The following SH3PXD2A variants were observed in gnomAD, a reference collection of about 807,000 sequenced individuals.
The protein encoded by SH3PXD2A is SH3 and PX domain-containing protein 2A.
In SH3PXD2A, 32 loss-of-function variants were observed where a neutral mutation model predicts 115.2. The observed-to-expected ratio is 0.28, with a 90% CI of 0.21 to 0.37. The LOEUF (loss-of-function observed/expected upper bound fraction) is 0.37. Ranked by LOEUF, SH3PXD2A falls within the 10% of genes least tolerant of loss-of-function variation. The pLI, the probability that SH3PXD2A is intolerant of heterozygous loss-of-function variation, is 1.00. For missense variants in SH3PXD2A, 1,328 were observed against 1,498.7 expected (o/e 0.89, Z 1.88); for synonymous variants, 610 against 629.1 (o/e 0.97, Z 0.45).
chr10:103,712,713 C>A (rs770272590), intron 5 of SH3PXD2A, among the ~76,000 whole-genome samples: 1 of 152,240 alleles, frequency 6.6e-6, no homozygotes, highest in Non-Finnish European at 1.5e-5. Context: ...ACCTTCAGCC[C>A]CCGTGGTGAC....
At chr10:103,720,165 A>C (rs997620151) in intron 5 of SH3PXD2A, among the ~76,000 whole-genome samples, 19 of 152,228 alleles carry the variant, frequency 1.2e-4, no homozygotes, top group Non-Finnish European at 2.6e-4. Flanking sequence ...CTGCCATGGC[A>C]GAAGGGGCAA....
At chr10:103,688,533 A>C (rs1454285278) in intron 6 of SH3PXD2A, among the ~76,000 whole-genome samples, 1 of 152,246 alleles carries the variant, frequency 6.6e-6, no homozygotes, top group Admixed American at 6.5e-5. Flanking sequence ...AGAAGGTGAC[A>C]GTTTTAAGCA....
At chr10:103,668,525 C>A in intron 7 of SH3PXD2A, 83 bp downstream of exon 7, 1 of 1,205,904 alleles carries the variant, frequency 8.3e-7, no homozygotes. Flanking sequence ...GGGAAGCATG[C>A]GCAGGGCCTG....
intron 3 of SH3PXD2A, among the ~76,000 whole-genome samples, chr10:103,737,801 G>A (rs960066844): frequency 1.4e-4 from 22 of 152,178 alleles, no homozygotes; most frequent in Admixed American, 1.1e-3. Context: ...AACAGACAGG[G>A]GACCCAGGGG....
At chr10:103,729,915 G>A (rs1397504241) in intron 4 of SH3PXD2A, among the ~76,000 whole-genome samples, 2 of 152,206 alleles carry the variant, frequency 1.3e-5, no homozygotes, top group Non-Finnish European at 2.9e-5. Flanking sequence ...AGCACTGAGT[G>A]TCATCATGGC....
At chr10:103,849,152 C>T (rs1350816569) in intron 1 of SH3PXD2A, among the ~76,000 whole-genome samples, 2 of 151,836 alleles carry the variant, frequency 1.3e-5, no homozygotes, top group Non-Finnish European at 2.9e-5. Flanking sequence ...TGCCTGGACT[C>T]ACTGGTTATT....
chr10:103,632,434 C>T (rs968719531), intron 8 of SH3PXD2A, among the ~76,000 whole-genome samples: 1 of 152,210 alleles, frequency 6.6e-6, no homozygotes, highest in African/African-American at 2.4e-5. Flanking sequence ...GTCTGAGCTG[C>T]TGGCACCTGG....
chr10:103,605,721 A>C, intron 14 of SH3PXD2A, 77 bp downstream of exon 14: 3 of 1,570,804 alleles, frequency 1.9e-6, no homozygotes, highest in Non-Finnish European at 1.7e-6. Context: ...TCTTACTAGC[A>C]AGGCCTAAAA....
rs911302236 is a variant in SH3PXD2A, at chr10:103,627,675, C to T, written c.605-473G>A. Among the ~76,000 whole-genome samples, 98 of 152,226 alleles carry T rather than the reference C, an allele frequency of 6.4e-4. No individual in the cohort carries two copies. Among genetic ancestry groups the T allele is most frequent in the African/African-American group, 1.8e-3 (75 of 41,458 alleles). On this transcript the variant is annotated intron_variant, in intron 8 of 14. Transcript: ENST00000369774. The surrounding 1 kb of genome is among the most constrained non-coding windows in gnomAD (Gnocchi z 4.4). ...TTGCCTTTTCCCCATCGCGGGTCAG[C>T]GGTACCTTCGCATTGGTGCCACTCA...
intron 3 of SH3PXD2A, chr10:103,755,025 T>C (rs1235310083): frequency 2.0e-5 from 3 of 152,220 alleles, no homozygotes; most frequent in Non-Finnish European, 4.4e-5. Context: ...GACGGTGACT[T>C]ACAGATCTTG....
intron 3 of SH3PXD2A, among the ~76,000 whole-genome samples, chr10:103,742,103 C>T (rs959286954): frequency 1.3e-5 from 2 of 152,000 alleles, no homozygotes; most frequent in South Asian, 2.1e-4. Flanking sequence ...GAGTCATGAT[C>T]GTGCCACTGT....
chr10:103,659,430 C>G (rs2037259290), intron 8 of SH3PXD2A, among the ~76,000 whole-genome samples: 1 of 152,344 alleles, frequency 6.6e-6, no homozygotes, highest in African/African-American at 2.4e-5. Flanking sequence ...AAACATCTCC[C>G]TCGCCTGAGG....
chr10:103,828,937 C>T (rs927035984), intron 1 of SH3PXD2A, among the ~76,000 whole-genome samples: 5 of 152,172 alleles, frequency 3.3e-5, no homozygotes, highest in African/African-American at 9.7e-5. Context: ...CTGGAATACA[C>T]ACACACTTGC....
chr10:103,698,059 C>A (rs77973530), intron 5 of SH3PXD2A, among the ~76,000 whole-genome samples: 1 of 152,222 alleles, frequency 6.6e-6, no homozygotes, highest in Non-Finnish European at 1.5e-5. Context: ...AAAGGGGCCA[C>A]GCTGAGGCCC....
At chr10:103,656,169 A>G (rs2037208863) in intron 8 of SH3PXD2A, among the ~76,000 whole-genome samples, 1 of 152,240 alleles carries the variant, frequency 6.6e-6, no homozygotes, top group Non-Finnish European at 1.5e-5. Flanking sequence ...AAATGGCTGT[A>G]GCCACCATGT....
At chr10:103,717,360 G>A (rs1427983690) in intron 5 of SH3PXD2A, among the ~76,000 whole-genome samples, 1 of 152,192 alleles carries the variant, frequency 6.6e-6, no homozygotes, top group Non-Finnish European at 1.5e-5. Context: ...AGATCCCAAG[G>A]CTGCCAGGTT....
At chr10:103,718,699 C>T (rs114030870) in intron 5 of SH3PXD2A, among the ~76,000 whole-genome samples, 2,724 of 150,674 alleles carry the variant, frequency 0.018, 75 homozygotes, top group African/African-American at 0.061. Flanking sequence ...AGGAGGTGAC[C>T]AATACAATAA....
chr10:103,734,752 A>G (rs559318112), intron 4 of SH3PXD2A, among the ~76,000 whole-genome samples: 1 of 152,364 alleles, frequency 6.6e-6, no homozygotes, highest in South Asian at 2.1e-4. Flanking sequence ...TTGTCTCATC[A>G]AAATAAATAA....
chr10:103,702,410 C>T (rs2037925651), intron 5 of SH3PXD2A, among the ~76,000 whole-genome samples: 1 of 152,146 alleles, frequency 6.6e-6, no homozygotes, highest in Admixed American at 6.5e-5. Flanking sequence ...TAGAAATTTC[C>T]AGGACAGGGA....
Sources: allele counts gnomAD v4.1 joint callset (sites outside exome capture counted in the v4.1 genomes callset), GRCh38; gene constraint gnomAD v4.1.1; non-coding constraint Gnocchi (gnomAD v3.1); transcripts MANE v1.5; gene names NCBI Gene and HGNC (gene_info 2026-07-23, HGNC 2026-07-21).